GALNT13: variants seen among roughly 807,000 people sequenced by gnomAD.
GALNT13 encodes the protein UDP-GalNAc:polypeptide N-acetylgalactosaminyltransferase 13.
GALNT13 carries 28 observed loss-of-function variants against 64.2 expected under a neutral mutation model. The ratio of observed to expected loss-of-function variants is 0.44; its 90% CI spans 0.32 to 0.60. The LOEUF (loss-of-function observed/expected upper bound fraction) is 0.60, where lower values mean the gene tolerates loss of function less well. Among genes scored for constraint, GALNT13 ranks in the 20% least tolerant of loss-of-function variants. The pLI, the probability that GALNT13 is intolerant of heterozygous loss-of-function variation, is 0.05. For synonymous variants in GALNT13, 214 were observed against 224.6 expected (o/e 0.95, Z 0.42); for missense variants, 577 against 669.8 (o/e 0.86, Z 1.53).
intron 3 of GALNT13, among the ~76,000 whole-genome samples, chr2:154,043,414 T>TTATA (rs1179722579): frequency 0.02 from 1,505 of 77,012 alleles, 21 homozygotes; most frequent in Middle Eastern, 0.034. Flanking sequence ...ATAAGGACTT[T>TTATA]TATATATATA....
At chr2:153,110,327 A>T in the GALNT13 span, among the ~76,000 whole-genome samples, 48 of 152,214 alleles carry the variant, frequency 3.2e-4, no homozygotes, top group Admixed American at 2.9e-3. Flanking sequence ...GTATAGATCT[A>T]TTTTCATGAG....
In GALNT13 at chr2:154,162,702, A is replaced by G. The variant is rs530082628; in HGVS notation, c.311+22197A>G. Among the ~76,000 whole-genome samples, 11 of 152,310 alleles carry G rather than the reference A, an allele frequency of 7.2e-5. No homozygotes were observed. The East Asian group carries it at 2.1e-3, about 29-fold the overall frequency. On this transcript the variant is annotated intron_variant, in intron 4 of 12. Coordinates refer to ENST00000392825, the MANE Select transcript of GALNT13 (RefSeq NM_052917.4). ...AAGAGACAGAGTTAAATACTGTAAGATTTTTATTCTCACTGTGCTTAAAAA... is the reference window on the plus strand; with the variant it reads ...AAGAGACAGAGTTAAATACTGTAAGGTTTTTATTCTCACTGTGCTTAAAAA...
chr2:153,624,515 C>G, the GALNT13 span, among the ~76,000 whole-genome samples: 1 of 152,210 alleles, frequency 6.6e-6, no homozygotes, highest in African/African-American at 2.4e-5. Flanking sequence ...GCCATAAAAA[C>G]AGCATGTCCC....
the GALNT13 span, among the ~76,000 whole-genome samples, chr2:153,349,349 A>G: frequency 7.6e-4 from 116 of 152,338 alleles, 1 homozygote; most frequent in African/African-American, 2.7e-3. Context: ...TGTTGATGCA[A>G]TCACTCAACT....
At chr2:154,007,442 GA>G (rs1315758926) in intron 3 of GALNT13, among the ~76,000 whole-genome samples, 1 of 151,996 alleles carries the variant, frequency 6.6e-6, no homozygotes, top group Non-Finnish European at 1.5e-5. Flanking sequence ...ATGGGAAAAT[GA>G]AAGGTTGCGA....
intron 9 of GALNT13, among the ~76,000 whole-genome samples, chr2:154,337,777 TTTTATGCATACATAAAGACCAGGTGGTC>T (rs1695538310): frequency 6.6e-6 from 1 of 151,956 alleles, no homozygotes; most frequent in East Asian, 1.9e-4. Context: ...AGAATTGCAA[TTTTATGCATACATAAAGACCAGGTGGTC>T]TTTATGTCTG....
chr2:153,585,056 A>C, the GALNT13 span, among the ~76,000 whole-genome samples: 1 of 152,214 alleles, frequency 6.6e-6, no homozygotes, highest in African/African-American at 2.4e-5. Flanking sequence ...ATAATTCTCA[A>C]GCAATAGATC....
At chr2:153,872,911 C>G (rs1466666766) in intron 1 of GALNT13, among the ~76,000 whole-genome samples, 5 of 152,120 alleles carry the variant, frequency 3.3e-5, no homozygotes, top group African/African-American at 4.8e-5. Context: ...GAGCCTTGGT[C>G]CCCTCAGTCC....
At chr2:153,228,734 A>G in the GALNT13 span, among the ~76,000 whole-genome samples, 15 of 152,080 alleles carry the variant, frequency 9.9e-5, no homozygotes, top group South Asian at 3.1e-3. Flanking sequence ...TTAGCTGGGC[A>G]TGGTGGTGTG....
At chr2:154,023,284 C>A (rs1220389744) in intron 3 of GALNT13, among the ~76,000 whole-genome samples, 1 of 152,116 alleles carries the variant, frequency 6.6e-6, no homozygotes, top group African/African-American at 2.4e-5. Flanking sequence ...CTAATGTTGA[C>A]AGTGGGGTGT....
the GALNT13 span, among the ~76,000 whole-genome samples, chr2:153,725,790 CAT>C: frequency 6.6e-6 from 1 of 152,094 alleles, no homozygotes; most frequent in Non-Finnish European, 1.5e-5. Flanking sequence ...ACAGCTTAAT[CAT>C]ATGAAAAAAG....
At chr2:153,089,205 A>C in the GALNT13 span, among the ~76,000 whole-genome samples, 1 of 152,116 alleles carries the variant, frequency 6.6e-6, no homozygotes, top group Admixed American at 6.5e-5. Context: ...TTTTCTGAAA[A>C]AGACCTTACC....
chr2:153,852,321 C>G, the GALNT13 span, among the ~76,000 whole-genome samples: 1 of 152,020 alleles, frequency 6.6e-6, no homozygotes, highest in African/African-American at 2.4e-5. Context: ...TCAAAAGAAG[C>G]CTACATTGCC....
At chr2:153,192,546 C>A in the GALNT13 span, among the ~76,000 whole-genome samples, 1 of 152,018 alleles carries the variant, frequency 6.6e-6, no homozygotes, top group Non-Finnish European at 1.5e-5. Context: ...TCCAATGTTT[C>A]TTTGTTGATT....
chr2:153,133,584 A>G, the GALNT13 span, among the ~76,000 whole-genome samples: 1 of 152,162 alleles, frequency 6.6e-6, no homozygotes, highest in Non-Finnish European at 1.5e-5. Context: ...TTTTAGCTGA[A>G]CTGAGGAGAA....
the GALNT13 span, among the ~76,000 whole-genome samples, chr2:153,090,289 T>C: frequency 6.6e-6 from 1 of 152,180 alleles, no homozygotes; most frequent in South Asian, 2.1e-4. Context: ...CTACAAAGAC[T>C]CCTGTGATTT....
At chr2:153,782,007 T>C in the GALNT13 span, among the ~76,000 whole-genome samples, 568 of 152,274 alleles carry the variant, frequency 3.7e-3, 3 homozygotes, top group Middle Eastern at 0.01. Context: ...CTAATGTCTA[T>C]AGTCAACAAC....
chr2:154,056,368 C>T (rs1479251322), intron 3 of GALNT13, among the ~76,000 whole-genome samples: 2 of 152,052 alleles, frequency 1.3e-5, no homozygotes, highest in Non-Finnish European at 2.9e-5. Flanking sequence ...ATTTTGGTAG[C>T]ATCTTTATAT....
intron 4 of GALNT13, among the ~76,000 whole-genome samples, chr2:154,181,861 T>C (rs1685977906): frequency 6.6e-6 from 1 of 152,186 alleles, no homozygotes; most frequent in East Asian, 1.9e-4. Flanking sequence ...TGTCAAAGTC[T>C]ACTAATTAGT....
Sources: allele counts gnomAD v4.1 joint callset (sites outside exome capture counted in the v4.1 genomes callset), GRCh38; gene constraint gnomAD v4.1.1; transcripts MANE v1.5; gene names NCBI Gene and HGNC (gene_info 2026-07-23, HGNC 2026-07-21).